Variants in SOX6 observed in about 807,000 individuals in gnomAD.
SOX6 encodes the protein SRY-box transcription factor 6.
Under a neutral mutation model 97.8 loss-of-function variants are expected in SOX6, and 11 were observed. That is an observed-to-expected ratio of 0.11 (90% CI 0.07 to 0.19). The LOEUF (loss-of-function observed/expected upper bound fraction) is 0.19. SOX6 is among the 10% of genes least tolerant of loss of function. The pLI, the probability that SOX6 is intolerant of heterozygous loss-of-function variation, is 1.00. For missense variants in SOX6, 810 were observed against 1,039.5 expected (o/e 0.78, Z 3.04); for synonymous variants, 360 against 371.4 (o/e 0.97, Z 0.35).
intron 4 of SOX6, among the ~76,000 whole-genome samples, chr11:16,215,625 T>C (rs1211069032): frequency 6.6e-6 from 1 of 152,048 alleles, no homozygotes; most frequent in East Asian, 1.9e-4. Flanking sequence ...AAAGCCAGAA[T>C]AATATGAAAT....
chr11:16,549,669 T>C (rs761607456), intron 4 of SOX6, among the ~76,000 whole-genome samples: 10 of 151,806 alleles, frequency 6.6e-5, no homozygotes, highest in Non-Finnish European at 1.3e-4. Context: ...TTATTCACGA[T>C]CACCAAAAAC....
At chr11:16,661,006 T>C (rs887830445) in intron 3 of SOX6, among the ~76,000 whole-genome samples, 1 of 152,256 alleles carries the variant, frequency 6.6e-6, no homozygotes, top group African/African-American at 2.4e-5. Context: ...CCCTTGCTAA[T>C]TTTCTAACTG....
chr11:16,433,536 G>T (rs1014145118), intron 1 of SOX6, among the ~76,000 whole-genome samples: 2 of 151,984 alleles, frequency 1.3e-5, no homozygotes, highest in Non-Finnish European at 2.9e-5. Context: ...TCATCCACTT[G>T]CCACTTATAG....
intron 1 of SOX6, among the ~76,000 whole-genome samples, chr11:16,737,963 C>A (rs16933370): frequency 0.011 from 1,732 of 151,834 alleles, 25 homozygotes; most frequent in African/African-American, 0.039. Flanking sequence ...TTGGTGAAGG[C>A]CCCTACTGTA....
chr11:16,502,546 G>A (rs572439477), intron 4 of SOX6, among the ~76,000 whole-genome samples: 18 of 152,058 alleles, frequency 1.2e-4, no homozygotes, highest in African/African-American at 4.1e-4. Context: ...TTCTGTAACT[G>A]AGGAATTCAT....
rs189608477 is a variant in SOX6, at chr11:16,096,252, T to A, written c.979-134A>T. The A allele has an allele frequency of 7.7e-4, 859 of 1,110,088 alleles. 1 individual carries two copies. In the Middle Eastern group the frequency reaches 0.011, roughly 14 times the overall value. 68.8% of individuals were successfully genotyped at this position (1,110,088 alleles called of 1,614,324 possible). On this transcript the variant is annotated intron_variant, in intron 8 of 15. Transcript: ENST00000683767. The stretch of plus-strand genomic sequence containing the variant: ...AGAAAGTAGAAAGTTTAAGACTCAG[T>A]TTCTTTCTTTTACAGAAATTTGGTT...
At chr11:16,693,852 T>C (rs1848033761) in intron 3 of SOX6, among the ~76,000 whole-genome samples, 1 of 152,206 alleles carries the variant, frequency 6.6e-6, no homozygotes, top group African/African-American at 2.4e-5. Context: ...AATAATTCAC[T>C]CATAGATACC....
chr11:16,332,757 G>T (rs983022111), intron 2 of SOX6, among the ~76,000 whole-genome samples: 1 of 151,952 alleles, frequency 6.6e-6, no homozygotes, highest in Non-Finnish European at 1.5e-5. Flanking sequence ...AATGCCTAGG[G>T]GTCAAGAGAA....
At chr11:16,175,286 T>C (rs1467524877) in intron 6 of SOX6, among the ~76,000 whole-genome samples, 1 of 151,828 alleles carries the variant, frequency 6.6e-6, no homozygotes, top group Non-Finnish European at 1.5e-5. Context: ...AAAACAACAA[T>C]GATAGTGGTA....
At chr11:16,711,544 T>G (rs747667854) in intron 3 of SOX6, among the ~76,000 whole-genome samples, 1 of 152,126 alleles carries the variant, frequency 6.6e-6, no homozygotes, top group South Asian at 2.1e-4. Flanking sequence ...CCTACAATGG[T>G]TTACTTTTAA....
chr11:16,464,593 A>T (rs1859993079), intron 1 of SOX6, among the ~76,000 whole-genome samples: 1 of 152,140 alleles, frequency 6.6e-6, no homozygotes. Flanking sequence ...CAAAACTAAA[A>T]ACATCATATA....
At chr11:16,410,199 C>T in intron 1 of SOX6, among the ~76,000 whole-genome samples, 1 of 151,892 alleles carries the variant, frequency 6.6e-6, no homozygotes. Flanking sequence ...TTATAATTTA[C>T]CCAAAAACTA....
intron 1 of SOX6, among the ~76,000 whole-genome samples, chr11:16,436,588 G>C (rs1262679822): frequency 1.3e-5 from 2 of 152,070 alleles, no homozygotes; most frequent in Non-Finnish European, 2.9e-5. Flanking sequence ...TTAAGTCCTG[G>C]CTCTGTCATC....
At chr11:16,026,027 C>T (rs138009798) in intron 12 of SOX6, among the ~76,000 whole-genome samples, 1 of 152,258 alleles carries the variant, frequency 6.6e-6, no homozygotes, top group Non-Finnish European at 1.5e-5. Flanking sequence ...AGATCCAGAA[C>T]ATGCCTCTCA....
At chr11:16,597,411 A>G (rs1308310932) in intron 4 of SOX6, among the ~76,000 whole-genome samples, 1 of 151,812 alleles carries the variant, frequency 6.6e-6, no homozygotes, top group Non-Finnish European at 1.5e-5. Context: ...GGAATAAATT[A>G]TATCACCATC....
intron 13 of SOX6, among the ~76,000 whole-genome samples, chr11:15,996,453 A>C (rs1373645225): frequency 2.6e-5 from 4 of 151,844 alleles, no homozygotes; most frequent in Admixed American, 6.6e-5. Context: ...ACATACTGAG[A>C]CTCTGTCTCT....
At chr11:16,025,310 C>T (rs1274612495) in intron 12 of SOX6, among the ~76,000 whole-genome samples, 2 of 152,074 alleles carry the variant, frequency 1.3e-5, no homozygotes, top group Non-Finnish European at 2.9e-5. Context: ...TCTGATTAAC[C>T]ATTTGTTTCA....
At chr11:16,541,797 T>G (rs1414625058) in intron 4 of SOX6, among the ~76,000 whole-genome samples, 1 of 152,084 alleles carries the variant, frequency 6.6e-6, no homozygotes, top group Non-Finnish European at 1.5e-5. Context: ...TGGTGAGCAT[T>G]AAAAAGTCAG....
rs1186991105 is a variant in SOX6 at position 16,528,322 on chromosome 11, CACTT to C, written n.610-51938_610-51935del. On this transcript the variant is annotated intron_variant and non_coding_transcript_variant, in intron 4 of 5. Transcript: ENST00000524520. ...TAGCTGTGTTTTACATAAGTTATCT[CACTT>C]ACATCTCATACCAATATTTCAAGGA... Among the ~76,000 whole-genome samples, 11 of 152,228 alleles carry C rather than the reference CACTT, an allele frequency of 7.2e-5. No individual in the cohort carries two copies. The East Asian group carries it at 1.5e-3, about 21-fold the overall frequency.
Sources: gnomAD v4.1 joint callset for allele counts (sites outside exome capture counted in the v4.1 genomes callset) on GRCh38, gnomAD v4.1.1 for gene constraint, MANE v1.5 for transcripts, NCBI Gene and HGNC (gene_info 2026-07-23, HGNC 2026-07-21) for gene names.